The following MCTP1 variants were observed in gnomAD, a reference collection of about 807,000 sequenced individuals.
MCTP1 encodes multiple C2 and transmembrane domain containing 1, also known as multiple C2 and transmembrane domain-containing protein 1.
MCTP1 carries 69 observed loss-of-function variants against 120.6 expected under a neutral mutation model. The observed-to-expected ratio is 0.57, with a 90% CI of 0.47 to 0.70. The LOEUF is 0.70. Ranked by LOEUF, MCTP1 falls within the 30% of genes least tolerant of loss-of-function variation. The pLI, the probability that MCTP1 is intolerant of heterozygous loss-of-function variation, is 0.00. For missense variants in MCTP1, 1,203 were observed against 1,248.8 expected, an observed-to-expected ratio of 0.96 and a Z score of 0.55; for synonymous variants, 529 against 493.1, an observed-to-expected ratio of 1.07 and a Z score of -0.96.
At chr5:94,826,421 T>A (rs1787075905) in intron 17 of MCTP1, 3 of 659,294 alleles carry the variant, frequency 4.6e-6, no homozygotes, top group East Asian at 6.3e-5. Flanking sequence ...CTGATCCTGA[T>A]GACAAATGCC....
At chr5:95,011,750 C>G (rs76137304) in intron 2 of MCTP1, among the ~76,000 whole-genome samples, 1 of 152,096 alleles carries the variant, frequency 6.6e-6, no homozygotes, top group Non-Finnish European at 1.5e-5. Flanking sequence ...TCTTTTCTTC[C>G]TAAGTTACCC....
chr5:94,994,292 A>G (rs983630201), intron 2 of MCTP1, among the ~76,000 whole-genome samples: 2 of 152,234 alleles, frequency 1.3e-5, no homozygotes, highest in Admixed American at 6.5e-5. Context: ...AAGAAGAGCC[A>G]GAGAGTTTCA....
At chr5:95,156,603 A>G (rs1410800834) in intron 1 of MCTP1, among the ~76,000 whole-genome samples, 1 of 152,140 alleles carries the variant, frequency 6.6e-6, no homozygotes. Context: ...CTTCATAGCC[A>G]CCCCAATAAT....
chr5:94,995,577 A>G (rs1832467278), intron 2 of MCTP1, among the ~76,000 whole-genome samples: 1 of 152,208 alleles, frequency 6.6e-6, no homozygotes, highest in Admixed American at 6.5e-5. Flanking sequence ...AGACAGAACA[A>G]ACAATTGAGC....
At chr5:95,074,914 A>G (rs1753176655) in intron 1 of MCTP1, among the ~76,000 whole-genome samples, 1 of 152,252 alleles carries the variant, frequency 6.6e-6, no homozygotes, top group Non-Finnish European at 1.5e-5. Flanking sequence ...TGATGTTGTA[A>G]AAAGATTGCA....
chr5:94,959,378 T>C (rs765056128), intron 2 of MCTP1, among the ~76,000 whole-genome samples: 2 of 152,166 alleles, frequency 1.3e-5, no homozygotes, highest in Non-Finnish European at 2.9e-5. Context: ...GGATGCCCTC[T>C]CTCACCACTC....
At position 94,714,768 on chromosome 5, in the gene MCTP1, GTCAC is replaced by G; in HGVS notation, c.2720+5_2720+8del. 6.7e-7 allele frequency: 1 copy of G among 1,491,364 alleles called. No homozygotes were observed. The highest frequency in any genetic ancestry group is 9.4e-7 in the Non-Finnish European group (1 of 1,067,858). The allele number at this position is 1,491,364 out of a possible 1,614,324, so 92.4% of individuals were successfully genotyped here. On this transcript the variant is annotated splice_donor_5th_base_variant and intron_variant, in intron 20 of 22. Transcript: ENST00000515393. ...AGAAGAATGGGGCTCACAGGTCACC[GTCAC>G]TCACTTCTTTATCCTTTCGCCAAAG...
chr5:94,917,236 A>C (rs967124363), intron 8 of MCTP1, among the ~76,000 whole-genome samples: 1 of 152,236 alleles, frequency 6.6e-6, no homozygotes, highest in Non-Finnish European at 1.5e-5. Flanking sequence ...GGTATCACTC[A>C]ATAAAATTTG....
At chr5:95,061,710 C>T (rs1749284506) in intron 1 of MCTP1, among the ~76,000 whole-genome samples, 1 of 152,024 alleles carries the variant, frequency 6.6e-6, no homozygotes, top group South Asian at 2.1e-4. Flanking sequence ...GCTGGGATTA[C>T]AGGCGTGAGC....
chr5:95,208,158 C>T (rs181197560), intron 1 of MCTP1, among the ~76,000 whole-genome samples: 179 of 152,282 alleles, frequency 1.2e-3, no homozygotes, highest in African/African-American at 3.9e-3. Flanking sequence ...GGCATGATCT[C>T]GGCTCACTGC....
chr5:95,262,410 A>C lies in MCTP1; in HGVS notation c.720+21446T>G, dbSNP rs73142049. ...TCTGTAAACACCTTAAAAGGATACCAAAAGCATCATTATTCTTAAGCATTA... is the reference window on the plus strand; with the variant it reads ...TCTGTAAACACCTTAAAAGGATACCCAAAGCATCATTATTCTTAAGCATTA... On this transcript the variant is annotated intron_variant, in intron 1 of 22. Transcript: ENST00000515393. Among the ~76,000 whole-genome samples, 634 of 152,320 alleles carry C rather than the reference A, an allele frequency of 4.2e-3. 8 individuals are homozygous for C. The highest frequency in any genetic ancestry group is 0.013 in the African/African-American group (535 of 41,574).
intron 17 of MCTP1, among the ~76,000 whole-genome samples, chr5:94,814,847 A>G (rs915136482): frequency 6.6e-6 from 1 of 152,170 alleles, no homozygotes; most frequent in Admixed American, 6.5e-5. Flanking sequence ...CCCTGAAGAA[A>G]GCACTACTGG....
intron 1 of MCTP1, among the ~76,000 whole-genome samples, chr5:95,218,708 G>A (rs1056977096): frequency 2.0e-5 from 3 of 152,108 alleles, no homozygotes; most frequent in Non-Finnish European, 4.4e-5. Flanking sequence ...GGGTGATTTT[G>A]TTGTTTTATG....
At position 94,984,061 on chromosome 5, in the gene MCTP1, A is replaced by G. The variant is rs563164745; in HGVS notation, c.839-30700T>C. Among the ~76,000 whole-genome samples, 6 of 152,356 alleles carry G rather than the reference A, an allele frequency of 3.9e-5. No homozygotes were observed. In the South Asian group the frequency reaches 1.2e-3, roughly 32 times the overall value. ...ATCAGCACTCCCCCAGATTAGTCCT[A>G]AATCTATTTTTAGACTCTAGATCTA... is the stretch of plus-strand genomic sequence containing the variant. On this transcript the variant is annotated intron_variant, in intron 2 of 22. Transcript: ENST00000515393.
At chr5:95,045,113 T>A (rs1303095757) in intron 1 of MCTP1, among the ~76,000 whole-genome samples, 2 of 152,180 alleles carry the variant, frequency 1.3e-5, no homozygotes, top group Non-Finnish European at 2.9e-5. Flanking sequence ...ATCAGCCTTG[T>A]GTGAGTTTCT....
chr5:94,707,529 GCTA>G lies in MCTP1; in HGVS notation c.2964_2966del (p.Ser989del). 1 of 1,611,910 alleles carries G rather than the reference GCTA, an allele frequency of 6.2e-7. No individual in the cohort carries two copies. The highest frequency in any genetic ancestry group is 8.5e-7 in the Non-Finnish European group (1 of 1,178,548). ...GATTGTTTTTCTTTCTTTTATATGG[GCTA>G]TGAGAAGGATCTGGTTTCAGTTCTT... On this transcript the variant is annotated inframe_deletion, in exon 23 of 23. Coordinates refer to ENST00000515393, the MANE Select transcript of MCTP1 (RefSeq NM_024717.7).
chr5:95,017,047 G>C (rs73138046), intron 2 of MCTP1, among the ~76,000 whole-genome samples: 1,821 of 152,202 alleles, frequency 0.012, 38 homozygotes, highest in African/African-American at 0.041. Context: ...GGTAAGTTCT[G>C]ACATGGCTTC....
chr5:94,722,294 G>T lies in MCTP1; in HGVS notation c.2611-7408C>A, dbSNP rs78339446. 2.6e-5 allele frequency among the ~76,000 whole-genome samples: 4 copies of T among 152,250 alleles called. No homozygotes were observed. In the East Asian group the frequency reaches 7.7e-4, roughly 29 times the overall value. On this transcript the variant is annotated intron_variant, in intron 19 of 22. Transcript: ENST00000515393. ...ATGGGAACATGAAGCCAAAGTGATAGACATCGGGGTGAATATTCTGGGACT... is the reference window on the plus strand; with the variant it reads ...ATGGGAACATGAAGCCAAAGTGATATACATCGGGGTGAATATTCTGGGACT...
intron 1 of MCTP1, among the ~76,000 whole-genome samples, chr5:95,208,319 G>A (rs1047092876): frequency 6.6e-6 from 1 of 152,046 alleles, no homozygotes; most frequent in African/African-American, 2.4e-5. Flanking sequence ...TTGAACTCCT[G>A]ATCTCAGGCA....
Sources: gnomAD v4.1 joint callset for allele counts (sites outside exome capture counted in the v4.1 genomes callset) on GRCh38, gnomAD v4.1.1 for gene constraint, MANE v1.5 for transcripts, NCBI Gene and HGNC (gene_info 2026-07-23, HGNC 2026-07-21) for gene names.